LMF1: variants seen among roughly 807,000 people sequenced by gnomAD.
LMF1 encodes transmembrane protein 112.
Under a neutral mutation model 60.6 loss-of-function variants are expected in LMF1, and 68 were observed. The observed-to-expected ratio is 1.12, with a 90% CI of 0.92 to 1.37. The LOEUF (loss-of-function observed/expected upper bound fraction) is 1.37. LMF1 is among the 40% of genes most tolerant of loss of function. The pLI is 0.00. For synonymous variants in LMF1, 418 were observed against 324.7 expected (o/e 1.29, Z -3.09); for missense variants, 948 against 767.2 (o/e 1.24, Z -2.78).
intron 1 of LMF1, among the ~76,000 whole-genome samples, chr16:977,278 G>A (rs118039841): frequency 0.011 from 1,667 of 152,314 alleles, 20 homozygotes; most frequent in South Asian, 0.087. Context: ...GAAGTACAGG[G>A]AGCTGCAACC....
At chr16:855,846 G>C (rs1012094909) in intron 10 of LMF1, 10 of 455,948 alleles carry the variant, frequency 2.2e-5, no homozygotes, top group African/African-American at 2.0e-4. Flanking sequence ...GCACACAGCT[G>C]TGCTCTGGGG....
In LMF1 at chr16:892,988, C is replaced by T. The variant is rs1399257957; in HGVS notation, c.729+19G>A. On this transcript the variant is annotated intron_variant, in intron 5 of 10. Coordinates refer to ENST00000262301, the MANE Select transcript of LMF1 (RefSeq NM_022773.4). ...CGTGAGACCGGGTGCCCTGCCCTCA[C>T]GCTGCACGGCACGCTCACCTCATAG... 8 of 1,537,500 alleles carry T rather than the reference C, an allele frequency of 5.2e-6. No individual in the cohort carries two copies. Among genetic ancestry groups the T allele is most frequent in the African/African-American group, 1.4e-5 (1 of 72,772 alleles).
intron 2 of LMF1, chr16:934,486 C>G: frequency 3.5e-6 from 2 of 567,728 alleles, no homozygotes; most frequent in Non-Finnish European, 6.3e-6. Context: ...GATACACCTA[C>G]TAAGTACCCA....
rs550981888 is a variant in LMF1 at position 876,697 on chromosome 16, G to A, written c.897+2873C>T. On this transcript the variant is annotated intron_variant, in intron 6 of 10. Transcript: ENST00000262301. ...TGGGGCGGACAGAGGCAGGCTGGGT[G>A]GGCTGAGGACCTTGGACAGAGGCGG... 2.0e-5 allele frequency among the ~76,000 whole-genome samples: 3 copies of A among 150,604 alleles called. No homozygotes were observed. In the Admixed American group the frequency reaches 2.0e-4, roughly 10 times the overall value.
rs370807438 is a variant in LMF1, at chr16:870,028, G to A, written c.1271C>T (p.Thr424Ile). 1 of 1,612,130 alleles carries A rather than the reference G, an allele frequency of 6.2e-7. No individual in the cohort carries two copies. Among genetic ancestry groups the A allele is most frequent in the East Asian group, 2.2e-5 (1 of 44,888 alleles). The change falls in exon 9 of 11, where the codon ACA becomes ATA. Residue 424 changes from threonine to isoleucine, a missense_variant. Thr to Ile is a moderately conservative substitution (Grantham distance 89). Coordinates refer to ENST00000262301, the MANE Select transcript of LMF1 (RefSeq NM_022773.4). The part of the protein sequence containing the change: ...KERAEVILQG[T>I]ASSNASAPDA... Reference sequence around the variant, plus strand: ...GGGGGCGCTGGCGTTGGAGCTGGCTGTGCCCTGCAGGATCACCTCCGCCCG... The same window carrying A: ...GGGGGCGCTGGCGTTGGAGCTGGCTATGCCCTGCAGGATCACCTCCGCCCG...
chr16:898,539 G>A (rs534708289), intron 4 of LMF1, among the ~76,000 whole-genome samples: 1 of 152,374 alleles, frequency 6.6e-6, no homozygotes, highest in African/African-American at 2.4e-5. Context: ...GCCCAGGTGG[G>A]GGCAGAGCCA....
At chr16:855,398 AC>A (rs2069158320) in intron 10 of LMF1, 1 of 341,152 alleles carries the variant, frequency 2.9e-6, no homozygotes, top group Non-Finnish European at 5.8e-6. Flanking sequence ...GTCCCGCCTG[AC>A]CCCTGGTGAC....
chr16:971,095 C>A (rs2073043140), upstream of LMF1: 8 of 1,087,082 alleles, frequency 7.4e-6, no homozygotes, highest in East Asian at 1.3e-4. Context: ...CCCACCCACA[C>A]CCCGGGAGGC....
chr16:885,855 A>C (rs2070291969), intron 5 of LMF1, among the ~76,000 whole-genome samples: 1 of 152,230 alleles, frequency 6.6e-6, no homozygotes, highest in Non-Finnish European at 1.5e-5. Context: ...GTTGAAAAAC[A>C]CTATTGGCCA....
chr16:912,701 G>A (rs1050796549), intron 3 of LMF1, among the ~76,000 whole-genome samples: 1 of 152,154 alleles, frequency 6.6e-6, no homozygotes, highest in Non-Finnish European at 1.5e-5. Flanking sequence ...TCTTCCCCAC[G>A]GAAGCCAGAG....
chr16:915,894 G>T (rs1441367302), intron 3 of LMF1, among the ~76,000 whole-genome samples: 2 of 151,378 alleles, frequency 1.3e-5, no homozygotes, highest in South Asian at 4.1e-4. Context: ...AGACTTGGGG[G>T]CCTGGGGCAG....
At chr16:921,024 C>T in intron 3 of LMF1, 1 of 152,478 alleles carries the variant, frequency 6.6e-6, no homozygotes, top group Non-Finnish European at 1.5e-5. Context: ...GGCTCGTGAG[C>T]TGGCCTCGGT....
intron 5 of LMF1, among the ~76,000 whole-genome samples, chr16:882,702 G>A (rs773354823): frequency 1.6e-4 from 24 of 151,066 alleles, no homozygotes; most frequent in East Asian, 3.9e-4. Context: ...AGGGCCCATC[G>A]CAGGACCAGG....
chr16:934,324 A>G (rs556292333), intron 2 of LMF1, 70 bp from the exon 3 acceptor site: 1 of 1,584,800 alleles, frequency 6.3e-7, no homozygotes, highest in East Asian at 2.2e-5. Flanking sequence ...CTGTTTCCCC[A>G]CTGAGTGAAG....
intron 10 of LMF1, 70 bp downstream of exon 10, chr16:868,874 G>C: frequency 1.0e-6 from 1 of 987,464 alleles, no homozygotes; most frequent in Non-Finnish European, 1.6e-6. Flanking sequence ...TGCAGGTACA[G>C]GTGGTGGGAT....
chr16:857,475 GAGTGGTGT>G (rs2069227772), intron 10 of LMF1, among the ~76,000 whole-genome samples: 5 of 120,198 alleles, frequency 4.2e-5, no homozygotes, highest in Non-Finnish European at 7.2e-5. Flanking sequence ...GGACGGGTGT[GAGTGGTGT>G]CACCGGACGG....
At chr16:862,428 G>A (rs7189160) in intron 10 of LMF1, among the ~76,000 whole-genome samples, 173 of 152,258 alleles carry the variant, frequency 1.1e-3, no homozygotes, top group African/African-American at 4.0e-3. Flanking sequence ...ACAAGTGTGA[G>A]CCATTGTGCC....
intron 2 of LMF1, among the ~76,000 whole-genome samples, chr16:951,331 AAGTCAGAGACAACGACAG>A (rs1399755143): frequency 2.0e-5 from 3 of 151,750 alleles, no homozygotes; most frequent in Non-Finnish European, 4.4e-5. Flanking sequence ...GACAACGACA[AAGTCAGAGACAACGACAG>A]AGTCAGAGCC....
chr16:890,942 G>A (rs865797657), intron 5 of LMF1, among the ~76,000 whole-genome samples: 19 of 152,300 alleles, frequency 1.2e-4, no homozygotes, highest in Middle Eastern at 3.4e-3. Context: ...TGTGCTCCAG[G>A]CCGGGCCCAC....
Sources: allele counts gnomAD v4.1 joint callset (sites outside exome capture counted in the v4.1 genomes callset), GRCh38; gene constraint gnomAD v4.1.1; transcripts MANE v1.5; gene names NCBI Gene and HGNC (gene_info 2026-07-23, HGNC 2026-07-21).